The following MAPK10 variants were observed in gnomAD, a reference collection of about 807,000 sequenced individuals.
MAPK10 encodes JNK3 alpha protein kinase.
Under a neutral mutation model 59.3 loss-of-function variants are expected in MAPK10, and 25 were observed. The observed-to-expected ratio is 0.42, with a 90% CI of 0.31 to 0.59. MAPK10 has a LOEUF of 0.59. Ranked by LOEUF, MAPK10 falls within the 20% of genes least tolerant of loss-of-function variation. MAPK10 has a pLI of 0.15. For synonymous variants in MAPK10, 190 were observed against 200.5 expected, an observed-to-expected ratio of 0.95 and a Z score of 0.44; for missense variants, 351 against 568.9, an observed-to-expected ratio of 0.62 and a Z score of 3.90.
intron 4 of MAPK10, among the ~76,000 whole-genome samples, chr4:86,153,428 A>G (rs1052546566): frequency 6.6e-6 from 1 of 152,224 alleles, no homozygotes; most frequent in Non-Finnish European, 1.5e-5. Flanking sequence ...CTGAAGAATG[A>G]CAGAATTCAG....
chr4:86,018,903 A>G (rs1744782649), intron 13 of MAPK10, among the ~76,000 whole-genome samples: 1 of 152,246 alleles, frequency 6.6e-6, no homozygotes, highest in Non-Finnish European at 1.5e-5. Flanking sequence ...TCAGAAAGAC[A>G]AAATAAAACT....
chr4:86,445,426 G>C (rs1749922796), intron 1 of MAPK10, among the ~76,000 whole-genome samples: 1 of 152,116 alleles, frequency 6.6e-6, no homozygotes, highest in Admixed American at 6.6e-5. Context: ...TCATGGGGAG[G>C]GAGAGTAGCA....
At chr4:86,549,454 A>T (rs1157537741) in intron 1 of MAPK10, among the ~76,000 whole-genome samples, 2 of 152,208 alleles carry the variant, frequency 1.3e-5, no homozygotes, top group Non-Finnish European at 2.9e-5. Flanking sequence ...GTATCTAAAC[A>T]TAGAAAAGAT....
chr4:86,571,834 C>G (rs554780403), intron 1 of MAPK10, among the ~76,000 whole-genome samples: 1 of 151,666 alleles, frequency 6.6e-6, no homozygotes, highest in Non-Finnish European at 1.5e-5. Context: ...GTAACGAGCC[C>G]CTTGTTCAAA....
intron 1 of MAPK10, among the ~76,000 whole-genome samples, chr4:86,451,292 G>A (rs749032469): frequency 2.6e-5 from 4 of 152,038 alleles, no homozygotes; most frequent in African/African-American, 7.3e-5. Flanking sequence ...CCCAGTATAC[G>A]AACAGCCTTA....
chr4:86,374,308 T>A (rs1001936006), intron 1 of MAPK10, among the ~76,000 whole-genome samples: 1 of 152,134 alleles, frequency 6.6e-6, no homozygotes, highest in Admixed American at 6.5e-5. Context: ...CTAATGTAGA[T>A]GATGGGTTGA....
chr4:86,540,324 CTCTG>C (rs1758576463), intron 1 of MAPK10, among the ~76,000 whole-genome samples: 1 of 152,254 alleles, frequency 6.6e-6, no homozygotes, highest in African/African-American at 2.4e-5. Flanking sequence ...CATAGCGAAA[CTCTG>C]TCTGTACGAA....
chr4:86,403,180 T>C lies in MAPK10; in HGVS notation c.-121-48536A>G, dbSNP rs115309422. Among the ~76,000 whole-genome samples the C allele has an allele frequency of 8.3e-3, 1,271 of 152,222 alleles. 11 individuals are homozygous for C. The highest frequency in any genetic ancestry group is 0.021 in the African/African-American group (857 of 41,526). On this transcript the variant is annotated intron_variant, in intron 1 of 13. Coordinates refer to the MAPK10 transcript ENST00000361569. ...TGCTGGATGATATGGGAAAAGTGGTTATAAGACTTAGAGCCTGTATTAGTC... is the reference window on the plus strand; with the variant it reads ...TGCTGGATGATATGGGAAAAGTGGTCATAAGACTTAGAGCCTGTATTAGTC...
intron 4 of MAPK10, among the ~76,000 whole-genome samples, chr4:86,116,937 T>C (rs1047321701): frequency 6.6e-6 from 1 of 152,230 alleles, no homozygotes; most frequent in African/African-American, 2.4e-5. Context: ...GGATAAAGCA[T>C]TAATTCCTAC....
intron 9 of MAPK10, among the ~76,000 whole-genome samples, chr4:86,089,825 G>C (rs981825363): frequency 2.0e-5 from 3 of 152,100 alleles, no homozygotes; most frequent in African/African-American, 7.2e-5. Context: ...TGTTGTCTTA[G>C]TGTCATTGAC....
At chr4:86,102,123 C>A in intron 6 of MAPK10, 91 bp from the exon 7 acceptor site, 1 of 1,111,196 alleles carries the variant, frequency 9.0e-7, no homozygotes, top group Admixed American at 1.8e-5. Flanking sequence ...CTCTGTAAGT[C>A]TTCTGAACTT....
chr4:86,552,330 A>G (rs1348171937), intron 1 of MAPK10, among the ~76,000 whole-genome samples: 1 of 151,808 alleles, frequency 6.6e-6, no homozygotes, highest in Non-Finnish European at 1.5e-5. Flanking sequence ...CTAAGGTGGG[A>G]GGACTGCTTG....
chr4:86,516,544 G>A (rs1007315329), intron 1 of MAPK10, among the ~76,000 whole-genome samples: 6 of 152,198 alleles, frequency 3.9e-5, no homozygotes, highest in African/African-American at 7.2e-5. Context: ...TGTTTGTGTC[G>A]TCTGTGAATT....
At chr4:86,569,413 C>G (rs1761295943) in intron 1 of MAPK10, among the ~76,000 whole-genome samples, 1 of 152,084 alleles carries the variant, frequency 6.6e-6, no homozygotes, top group Non-Finnish European at 1.5e-5. Context: ...GAACTAAAAA[C>G]AGAACTGCCA....
At chr4:86,229,573 T>C (rs1437037642) in intron 2 of MAPK10, among the ~76,000 whole-genome samples, 2 of 152,176 alleles carry the variant, frequency 1.3e-5, no homozygotes, top group Non-Finnish European at 2.9e-5. Flanking sequence ...TGGCCTGTGT[T>C]ATGAAGGAAA....
intron 3 of MAPK10, chr4:86,194,117 C>G (rs1020459910): frequency 5.8e-6 from 3 of 519,728 alleles, no homozygotes; most frequent in African/African-American, 5.8e-5. Flanking sequence ...CCAGGTACCT[C>G]ACGTGGAAAT....
At chr4:86,118,471 C>T (rs1429906939) in intron 4 of MAPK10, among the ~76,000 whole-genome samples, 4 of 151,984 alleles carry the variant, frequency 2.6e-5, no homozygotes, top group African/African-American at 9.7e-5. Flanking sequence ...AGGTTTATTC[C>T]TAAAAGAGTG....
intron 1 of MAPK10, among the ~76,000 whole-genome samples, chr4:86,408,873 T>C (rs892290028): frequency 2.0e-5 from 3 of 152,254 alleles, no homozygotes; most frequent in Non-Finnish European, 4.4e-5. Flanking sequence ...CTGATGGTAG[T>C]TTCTTTTGCT....
chr4:86,490,251 A>G (rs1242640175), intron 1 of MAPK10, among the ~76,000 whole-genome samples: 1 of 152,096 alleles, frequency 6.6e-6, no homozygotes, highest in Admixed American at 6.5e-5. Context: ...CTCCCTCCCC[A>G]CATTCCTTCA....
Sources: gnomAD v4.1 joint callset for allele counts (sites outside exome capture counted in the v4.1 genomes callset) on GRCh38, gnomAD v4.1.1 for gene constraint, MANE v1.5 for transcripts, NCBI Gene and HGNC (gene_info 2026-07-23, HGNC 2026-07-21) for gene names.